The following CDYL2 variants were observed in gnomAD, a reference collection of about 807,000 sequenced individuals.
The protein encoded by CDYL2 is chromodomain Y like 2.
Under a neutral mutation model 49.4 loss-of-function variants are expected in CDYL2, and 23 were observed. That is an observed-to-expected ratio of 0.47 (90% confidence interval 0.34 to 0.66). The LOEUF (loss-of-function observed/expected upper bound fraction) is 0.66. Among genes scored for constraint, CDYL2 ranks in the 30% least tolerant of loss-of-function variants. CDYL2 has a pLI of 0.01. For synonymous variants in CDYL2, 360 were observed against 268.8 expected (o/e 1.34, Z -3.32); for missense variants, 678 against 656.4 (o/e 1.03, Z -0.36).
intron 1 of CDYL2, among the ~76,000 whole-genome samples, chr16:80,766,364 A>G (rs367730099): frequency 1.2e-4 from 19 of 152,362 alleles, no homozygotes; most frequent in African/African-American, 4.6e-4. Flanking sequence ...CTACTACCAA[A>G]GAAAAATACA....
chr16:80,676,327 G>T (rs1277510672), intron 2 of CDYL2, among the ~76,000 whole-genome samples: 4 of 152,226 alleles, frequency 2.6e-5, no homozygotes, highest in African/African-American at 9.6e-5. Flanking sequence ...GTGAAAGTGT[G>T]TTGGCCTGGG....
At position 80,598,988 on chromosome 16, in the gene CDYL2, A is replaced by C. The variant is rs771367779; in HGVS notation, c.*5400T>G. On this transcript the variant is annotated 3_prime_UTR_variant, in exon 7 of 7. Coordinates refer to ENST00000570137, the MANE Select transcript of CDYL2 (RefSeq NM_152342.4). ...GGCAAATGACTTCAAGCTGGGACTAATGGCACAGGGACAAATTAAATACTA... is the reference window on the plus strand; with the variant it reads ...GGCAAATGACTTCAAGCTGGGACTACTGGCACAGGGACAAATTAAATACTA... The C allele has an allele frequency of 6.6e-6, 1 of 152,116 alleles. No individual in the cohort carries two copies. Among genetic ancestry groups the C allele is most frequent in the South Asian group, 2.1e-4 (1 of 4,816 alleles). 9.4% of individuals were successfully genotyped at this position (152,116 alleles called of 1,614,324 possible). A position where few individuals can be genotyped will look rare whatever the true frequency, so the allele number is the denominator to read the frequency against.
chr16:80,747,066 A>G (rs891126146), intron 1 of CDYL2, among the ~76,000 whole-genome samples: 1 of 152,176 alleles, frequency 6.6e-6, no homozygotes, highest in African/African-American at 2.4e-5. Context: ...GCCATTTATC[A>G]TCATCTGTGT....
intron 2 of CDYL2, among the ~76,000 whole-genome samples, chr16:80,646,843 G>A (rs1212833334): frequency 1.3e-5 from 2 of 150,432 alleles, no homozygotes; most frequent in Non-Finnish European, 3.0e-5. Flanking sequence ...AAGACCCAAT[G>A]ATCTGCTGCC....
At chr16:80,803,178 A>G (rs1391868914) in intron 1 of CDYL2, among the ~76,000 whole-genome samples, 1 of 152,172 alleles carries the variant, frequency 6.6e-6, no homozygotes, top group East Asian at 1.9e-4. Context: ...AAGCAGTAAC[A>G]GTTGTGTTCC....
intron 2 of CDYL2, among the ~76,000 whole-genome samples, chr16:80,642,106 G>C (rs552150389): frequency 1.7e-4 from 26 of 152,234 alleles, no homozygotes; most frequent in South Asian, 8.3e-4. Context: ...GATATAAATA[G>C]AAACAGAAGT....
At chr16:80,677,958 A>C (rs566155800) in intron 2 of CDYL2, among the ~76,000 whole-genome samples, 51 of 152,010 alleles carry the variant, frequency 3.4e-4, no homozygotes, top group Non-Finnish European at 2.4e-4. Context: ...ATAACGTTGC[A>C]TATCTACAAC....
At chr16:80,772,901 T>G in intron 1 of CDYL2, among the ~76,000 whole-genome samples, 1 of 151,512 alleles carries the variant, frequency 6.6e-6, no homozygotes, top group East Asian at 1.9e-4. Flanking sequence ...AATAGGAACA[T>G]AGAATAGGTG....
At chr16:80,625,497 C>G (rs533875328) in intron 3 of CDYL2, among the ~76,000 whole-genome samples, 4 of 152,286 alleles carry the variant, frequency 2.6e-5, no homozygotes, top group Middle Eastern at 3.4e-3. Flanking sequence ...CTTAAATCCC[C>G]CTAGCCATGG....
At chr16:80,719,898 G>A (rs143184165) in intron 1 of CDYL2, among the ~76,000 whole-genome samples, 2 of 152,288 alleles carry the variant, frequency 1.3e-5, no homozygotes, top group African/African-American at 2.4e-5. Context: ...TCCAACCCTG[G>A]CCCTCCCCTG....
At chr16:80,655,787 T>C (rs1488806065) in intron 2 of CDYL2, among the ~76,000 whole-genome samples, 1 of 152,106 alleles carries the variant, frequency 6.6e-6, no homozygotes, top group African/African-American at 2.4e-5. Context: ...AAACGGGCCT[T>C]CTCTCCAGGA....
At chr16:80,649,756 A>T (rs9888959) in intron 2 of CDYL2, among the ~76,000 whole-genome samples, 2 of 152,228 alleles carry the variant, frequency 1.3e-5, no homozygotes, top group Non-Finnish European at 2.9e-5. Context: ...CGGTACTGGC[A>T]TAAAAACAGA....
intron 1 of CDYL2, among the ~76,000 whole-genome samples, chr16:80,725,569 T>A (rs908910846): frequency 1.3e-5 from 2 of 152,192 alleles, no homozygotes; most frequent in African/African-American, 4.8e-5. Flanking sequence ...CGAATCTCAG[T>A]CCACATATTT....
chr16:80,625,312 T>G (rs1255253761), intron 3 of CDYL2, among the ~76,000 whole-genome samples: 2 of 152,160 alleles, frequency 1.3e-5, no homozygotes, highest in African/African-American at 4.8e-5. Flanking sequence ...TCAAAGGCAA[T>G]AATGCCGAGC....
intron 3 of CDYL2, among the ~76,000 whole-genome samples, chr16:80,631,847 T>G (rs1444186502): frequency 6.6e-6 from 1 of 152,130 alleles, no homozygotes; most frequent in African/African-American, 2.4e-5. Flanking sequence ...AGATACCACC[T>G]CACATGCACT....
chr16:80,656,483 C>T (rs1908817634), intron 2 of CDYL2, among the ~76,000 whole-genome samples: 2 of 152,190 alleles, frequency 1.3e-5, no homozygotes, highest in Admixed American at 6.5e-5. Flanking sequence ...CACTGTCCTG[C>T]GTGTGAAATG....
At chr16:80,697,103 C>A (rs987402556) in intron 1 of CDYL2, among the ~76,000 whole-genome samples, 1 of 152,080 alleles carries the variant, frequency 6.6e-6, no homozygotes, top group Non-Finnish European at 1.5e-5. Flanking sequence ...ACACCAAAAG[C>A]AAACAAGGAC....
intron 2 of CDYL2, among the ~76,000 whole-genome samples, chr16:80,665,530 C>CAAAAAAAAA: frequency 8.9e-6 from 1 of 112,230 alleles, no homozygotes; most frequent in African/African-American, 3.9e-5. Flanking sequence ...AAAAAAATAG[C>CAAAAAAAAA]AAAAACCGCA....
chr16:80,745,322 C>T (rs1299426396), intron 1 of CDYL2, among the ~76,000 whole-genome samples: 1 of 152,164 alleles, frequency 6.6e-6, no homozygotes, highest in Non-Finnish European at 1.5e-5. Context: ...GATCACCATT[C>T]CCTATGACAG....
Sources: allele counts gnomAD v4.1 joint callset (sites outside exome capture counted in the v4.1 genomes callset), GRCh38; gene constraint gnomAD v4.1.1; transcripts MANE v1.5; gene names NCBI Gene and HGNC (gene_info 2026-07-23, HGNC 2026-07-21).